The following SFMBT2 variants were observed in gnomAD, a reference collection of about 807,000 sequenced individuals.
SFMBT2 encodes scm-like with four MBT domains protein 2.
A neutral mutation model predicts 110.1 loss-of-function variants in SFMBT2; 38 were observed. The observed-to-expected ratio is 0.35, with a 90% CI of 0.27 to 0.45. SFMBT2 has a LOEUF of 0.45. SFMBT2 is among the 20% of genes least tolerant of loss of function. The pLI is 1.00. For synonymous variants in SFMBT2, 425 were observed against 425.4 expected, an observed-to-expected ratio of 1.00 and a Z score of 0.01; for missense variants, 1,011 against 1,094.9, an observed-to-expected ratio of 0.92 and a Z score of 1.08.
intron 1 of SFMBT2, among the ~76,000 whole-genome samples, chr10:7,399,604 T>C (rs1331918122): frequency 6.6e-6 from 1 of 152,216 alleles, no homozygotes; most frequent in African/African-American, 2.4e-5. Flanking sequence ...CTGAAAATCA[T>C]TATATAAAGT....
At chr10:7,219,644 A>G in intron 11 of SFMBT2, 1 of 328,032 alleles carries the variant, frequency 3.0e-6, no homozygotes, top group Non-Finnish European at 4.4e-6. Flanking sequence ...TTATTTTACT[A>G]TTCATATCTA....
rs139230066 is a variant in SFMBT2, at chr10:7,322,422, A to C, written c.437-36468T>G. On this transcript the variant is annotated intron_variant, in intron 4 of 20. Transcript: ENST00000397167. ...ACTGACACAGTACACAAGGAAAATG[A>C]TCCTGTTTGTACTCACACCTGTGAT... is the stretch of plus-strand genomic sequence containing the variant. 3.2e-3 allele frequency among the ~76,000 whole-genome samples: 489 copies of C among 152,304 alleles called. 3 individuals are homozygous for C. Among genetic ancestry groups the C allele is most frequent in the Admixed American group, 0.026 (392 of 15,298 alleles).
chr10:7,332,084 C>A (rs571798275), intron 4 of SFMBT2, among the ~76,000 whole-genome samples: 1 of 151,848 alleles, frequency 6.6e-6, no homozygotes, highest in Non-Finnish European at 1.5e-5. Context: ...GGTCATCTAC[C>A]GCCGAAGTCA....
intron 10 of SFMBT2, 47 bp from the exon 11 acceptor site, chr10:7,220,584 G>C: frequency 6.2e-7 from 1 of 1,609,368 alleles, no homozygotes; most frequent in South Asian, 1.1e-5. Context: ...GACGCAGCAG[G>C]ACAAAGCTGG....
intron 4 of SFMBT2, among the ~76,000 whole-genome samples, chr10:7,322,449 A>G (rs1843221370): frequency 6.6e-6 from 1 of 152,250 alleles, no homozygotes; most frequent in African/African-American, 2.4e-5. Flanking sequence ...ACCTGTGATG[A>G]AAAAGGGCGC....
chr10:7,239,894 G>A (rs956254826), intron 9 of SFMBT2, among the ~76,000 whole-genome samples: 9 of 151,758 alleles, frequency 5.9e-5, no homozygotes, highest in Non-Finnish European at 1.3e-4. Flanking sequence ...TTTTTAACCC[G>A]ACACCCCTGC....
intron 1 of SFMBT2, among the ~76,000 whole-genome samples, chr10:7,392,333 G>T (rs1168575921): frequency 6.6e-6 from 1 of 152,186 alleles, no homozygotes; most frequent in East Asian, 1.9e-4. Context: ...TGGGCAACAT[G>T]CAGAAACTCA....
At chr10:7,312,052 G>A (rs1451420266) in intron 4 of SFMBT2, among the ~76,000 whole-genome samples, 1 of 152,032 alleles carries the variant, frequency 6.6e-6, no homozygotes, top group Non-Finnish European at 1.5e-5. Context: ...ACAGGATGGG[G>A]AACATCACAC....
Position 7,367,716 on chromosome 10 carries a change from T to C in SFMBT2, c.369A>G (p.Val123=), listed in dbSNP as rs1403576418. The change falls in exon 4 of 21, where the codon GTA becomes GTG. Residue 123 remains valine (V), a synonymous_variant. Coordinates refer to ENST00000397167, the MANE Select transcript of SFMBT2 (RefSeq NM_001387889.1). The surrounding 1 kb of genome is among the most constrained non-coding windows in gnomAD (Gnocchi z 6.2). Reference sequence around the variant, plus strand: ...CCACGGGGTGCAAATCCGCGATGACTACGTCACACCAGAAGTCGGCCCTGC... The same window carrying C: ...CCACGGGGTGCAAATCCGCGATGACCACGTCACACCAGAAGTCGGCCCTGC... ...EDRRADFWCD[V]VIADLHPVGW... is the part of the protein sequence containing the mutation. 6.2e-7 allele frequency: 1 copy of C among 1,614,066 alleles called. No homozygotes were observed. The highest frequency in any genetic ancestry group is 8.5e-7 in the Non-Finnish European group (1 of 1,180,046).
chr10:7,162,800 A>G lies in SFMBT2; in HGVS notation c.*970T>C, dbSNP rs938241773. 2.0e-5 allele frequency: 3 copies of G among 152,274 alleles called. No individual in the cohort carries two copies. The highest frequency in any genetic ancestry group is 7.2e-5 in the African/African-American group (3 of 41,448). The allele number at this position is 152,274 out of a possible 1,614,324, so 9.4% of individuals were successfully genotyped here. On this transcript the variant is annotated 3_prime_UTR_variant, in exon 21 of 21. Coordinates refer to ENST00000397167, the MANE Select transcript of SFMBT2 (RefSeq NM_001387889.1). ...TGTCTCTACAGATGTTCTAGGCTTC[A>G]ATCAAAAACCATCCAGTTGGGCCGG...
intron 4 of SFMBT2, among the ~76,000 whole-genome samples, chr10:7,328,508 C>A (rs1205013503): frequency 6.6e-6 from 1 of 152,184 alleles, no homozygotes; most frequent in Non-Finnish European, 1.5e-5. Context: ...TGTCTGTTCT[C>A]ATGTCTATGA....
At chr10:7,396,227 C>G (rs918540533) in intron 1 of SFMBT2, among the ~76,000 whole-genome samples, 2 of 152,098 alleles carry the variant, frequency 1.3e-5, no homozygotes, top group Non-Finnish European at 2.9e-5. Flanking sequence ...ACAGCCTGGG[C>G]GACAGAGCGA....
At chr10:7,245,663 A>T (rs373352859) in intron 8 of SFMBT2, among the ~76,000 whole-genome samples, 11 of 152,350 alleles carry the variant, frequency 7.2e-5, no homozygotes, top group African/African-American at 2.6e-4. Flanking sequence ...TTCTAATGCC[A>T]GTATCCTTTC....
chr10:7,177,951 G>A lies in SFMBT2; in HGVS notation c.1809-1786C>T, dbSNP rs143817698. Among the ~76,000 whole-genome samples the A allele has an allele frequency of 4.9e-3, 748 of 152,166 alleles. 6 individuals carry two copies. Among genetic ancestry groups the A allele is most frequent in the Non-Finnish European group, 7.2e-3 (492 of 68,008 alleles). ...AGACCATGTGAGGGCAGAGGGAGAA[G>A]GTGGCCATCCACAAGCCAAAAAGAG... is the stretch of plus-strand genomic sequence containing the variant. On this transcript the variant is annotated intron_variant, in intron 16 of 20. Coordinates refer to ENST00000397167, the MANE Select transcript of SFMBT2 (RefSeq NM_001387889.1).
intron 4 of SFMBT2, among the ~76,000 whole-genome samples, chr10:7,315,092 G>GAAAGAAAGAA (rs1564435558): frequency 5.5e-5 from 8 of 145,236 alleles, no homozygotes; most frequent in African/African-American, 2.0e-4. Context: ...AAGAAAGAAA[G>GAAAGAAAGAA]AAAGAAAGAA....
intron 10 of SFMBT2, among the ~76,000 whole-genome samples, chr10:7,225,275 T>C (rs1050443133): frequency 1.3e-5 from 2 of 152,232 alleles, no homozygotes; most frequent in Admixed American, 6.5e-5. Flanking sequence ...TGTGAGTTTA[T>C]TTACCAAGCA....
chr10:7,172,511 G>C lies in SFMBT2; in HGVS notation c.2135C>G (p.Thr712Ser). 1 of 1,614,112 alleles carries C rather than the reference G, an allele frequency of 6.2e-7. No individual in the cohort carries two copies. Residue 712 changes from threonine to serine, a missense_variant, in exon 18 of 21, where the codon ACC becomes AGC. This residue lies in a region of SFMBT2 where 979 missense variants were observed against 1,016.1 expected (regional missense o/e 0.96). Transcript: ENST00000397167. The surrounding 1 kb of genome is among the most constrained non-coding windows in gnomAD (Gnocchi z 4.6). ...AGAACATACCTCCCCCGAGCCCGCG[G>C]TGAAGTCCACGGCAGAAGACCTCCG... ...KKRRSSAVDF[T>S]AGSGEESEEE...
At position 7,320,393 on chromosome 10, in the gene SFMBT2, A is replaced by G. The variant is rs185937665; in HGVS notation, c.437-34439T>C. 8.9e-4 allele frequency among the ~76,000 whole-genome samples: 136 copies of G among 152,336 alleles called. 1 individual carries two copies. The highest frequency in any genetic ancestry group is 3.0e-3 in the African/African-American group (124 of 41,582). On this transcript the variant is annotated intron_variant, in intron 4 of 20. Coordinates refer to ENST00000397167, the MANE Select transcript of SFMBT2 (RefSeq NM_001387889.1). ...GCCGGAGGGTCAGAGGGTTACAGCC[A>G]CTTGTTCTCCAATTCAGACAAGAGA...
chr10:7,352,324 T>C (rs898078195), intron 4 of SFMBT2, among the ~76,000 whole-genome samples: 3 of 152,158 alleles, frequency 2.0e-5, no homozygotes, highest in African/African-American at 7.2e-5. Context: ...TAAAAATGTA[T>C]AGCATAAAGA....
Sources: gnomAD v4.1 joint callset for allele counts (sites outside exome capture counted in the v4.1 genomes callset) on GRCh38, gnomAD v4.1.1 for gene constraint, gnomAD v4.1.1 regional missense constraint, Gnocchi (gnomAD v3.1) non-coding constraint, MANE v1.5 for transcripts, NCBI Gene and HGNC (gene_info 2026-07-23, HGNC 2026-07-21) for gene names.